GATAD2B: variants seen among roughly 807,000 people sequenced by gnomAD.
The protein encoded by GATAD2B is GATA zinc finger domain containing 2B.
In GATAD2B, 8 loss-of-function variants were observed where a neutral mutation model predicts 64.3. The observed-to-expected ratio is 0.12, with a 90% CI of 0.07 to 0.22. The LOEUF (loss-of-function observed/expected upper bound fraction) is 0.22. Ranked by LOEUF, GATAD2B falls within the 10% of genes least tolerant of loss-of-function variation. The pLI, the probability that GATAD2B is intolerant of heterozygous loss-of-function variation, is 1.00. For missense variants in GATAD2B, 453 were observed against 752.0 expected (o/e 0.60, Z 4.65); for synonymous variants, 281 against 271.3 (o/e 1.04, Z -0.35).
At chr1:153,853,158 T>C in intron 1 of GATAD2B, 40 of 1,401,196 alleles carry the variant, frequency 2.9e-5, no homozygotes, top group Non-Finnish European at 3.9e-5. Flanking sequence ...GTCTAGCCCC[T>C]TACAGACACG....
intron 1 of GATAD2B, among the ~76,000 whole-genome samples, chr1:153,882,356 A>G (rs1449344436): frequency 6.6e-6 from 1 of 152,112 alleles, no homozygotes; most frequent in Non-Finnish European, 1.5e-5. Context: ...TCTTTTCTTT[A>G]TCCCTATTGC....
At chr1:153,870,153 G>A (rs974094189) in intron 1 of GATAD2B, among the ~76,000 whole-genome samples, 4 of 152,112 alleles carry the variant, frequency 2.6e-5, no homozygotes, top group Non-Finnish European at 5.9e-5. Flanking sequence ...GTTTCATCAT[G>A]TTGGCCAGGC....
intron 2 of GATAD2B, among the ~76,000 whole-genome samples, chr1:153,820,259 G>C (rs1345379118): frequency 2.0e-5 from 3 of 152,088 alleles, no homozygotes; most frequent in Non-Finnish European, 4.4e-5. Flanking sequence ...TATTGAACTT[G>C]CATCTACTTA....
At chr1:153,822,421 T>A (rs1674712676) in intron 2 of GATAD2B, among the ~76,000 whole-genome samples, 1 of 152,166 alleles carries the variant, frequency 6.6e-6, no homozygotes, top group South Asian at 2.1e-4. Flanking sequence ...TATCAGGAAG[T>A]TATATCTGAG....
intron 1 of GATAD2B, among the ~76,000 whole-genome samples, chr1:153,887,294 G>A (rs1313773203): frequency 6.6e-6 from 1 of 152,150 alleles, no homozygotes; most frequent in Admixed American, 6.5e-5. Flanking sequence ...CACAAATTGG[G>A]AATCACACCC....
At chr1:153,898,221 T>C (rs755883667) in intron 1 of GATAD2B, among the ~76,000 whole-genome samples, 4 of 147,618 alleles carry the variant, frequency 2.7e-5, no homozygotes, top group African/African-American at 1.0e-4. Flanking sequence ...AGAGAGAGGA[T>C]TGCTAGAACC....
At position 153,818,912 on chromosome 1, in the gene GATAD2B, A is replaced by G. The variant is rs570114354; in HGVS notation, c.476T>C (p.Ile159Thr). 1.9e-6 allele frequency: 3 copies of G among 1,610,786 alleles called. No individual in the cohort carries two copies. Among genetic ancestry groups the G allele is most frequent in the South Asian group, 2.2e-5 (2 of 91,068 alleles). ...ANLEMFKGKG[I>T]EERQQLIKQL... The stretch of plus-strand genomic sequence containing the variant: ...CTTGATAAGCTGCTGCCGCTCCTCA[A>G]TGCCTTTCCCCTAAGGAAACAAGAA... The change falls in exon 4 of 11, where the codon ATT becomes ACT. Residue 159 changes from isoleucine (I) to threonine (T), a missense_variant. Physicochemically the swap from Ile to Thr is moderately conservative, Grantham distance 89. Transcript: ENST00000368655.
chr1:153,826,940 T>TA (rs35916476), intron 2 of GATAD2B, among the ~76,000 whole-genome samples: 79 of 137,406 alleles, frequency 5.7e-4, no homozygotes, highest in Middle Eastern at 3.8e-3. Flanking sequence ...GACCCTATCT[T>TA]AAAAAAAAAA....
intron 1 of GATAD2B, chr1:153,852,845 T>C (rs932797099): frequency 1.2e-6 from 1 of 809,648 alleles, no homozygotes; most frequent in African/African-American, 1.7e-5. Context: ...TCTTCCCCAG[T>C]GAGAGGGAGG....
At position 153,899,944 on chromosome 1, in the gene GATAD2B, A is replaced by G. The variant is rs73015728; in HGVS notation, c.-2+22789T>C. ...TACTTAAATGTGTAAAGATCTATGTAAGATGTTTCACTGGAAGGCTGGTTA... is the reference window on the plus strand; with the variant it reads ...TACTTAAATGTGTAAAGATCTATGTGAGATGTTTCACTGGAAGGCTGGTTA... On this transcript the variant is annotated intron_variant, in intron 1 of 10. Coordinates refer to ENST00000368655, the MANE Select transcript of GATAD2B (RefSeq NM_020699.4). Among the ~76,000 whole-genome samples, 575 of 152,346 alleles carry G rather than the reference A, an allele frequency of 3.8e-3. 9 individuals are homozygous for G. Among genetic ancestry groups the G allele is most frequent in the African/African-American group, 0.013 (523 of 41,588 alleles).
intron 1 of GATAD2B, among the ~76,000 whole-genome samples, chr1:153,907,184 C>T (rs1677969429): frequency 6.6e-6 from 1 of 152,198 alleles, no homozygotes; most frequent in Non-Finnish European, 1.5e-5. Flanking sequence ...AAAGCAGGGA[C>T]TCAAGCAGAT....
rs1246626056 is a variant in GATAD2B, at chr1:153,875,050, T to C, written c.-1-46702A>G. On this transcript the variant is annotated intron_variant, in intron 1 of 10. Transcript: ENST00000368655. ...GACATGCCACCATGCCCAGCATTTTTTCTTGTAAGCAAAGATGGGGTCTTG... is the reference window on the plus strand; with the variant it reads ...GACATGCCACCATGCCCAGCATTTTCTCTTGTAAGCAAAGATGGGGTCTTG... Among the ~76,000 whole-genome samples, 3 of 152,050 alleles carry C rather than the reference T, an allele frequency of 2.0e-5. No homozygotes were observed. In the East Asian group the frequency reaches 5.8e-4, roughly 29 times the overall value.
intron 2 of GATAD2B, among the ~76,000 whole-genome samples, chr1:153,822,684 A>C (rs1674724809): frequency 6.6e-6 from 1 of 152,114 alleles, no homozygotes; most frequent in Non-Finnish European, 1.5e-5. Context: ...TTGTATTTAG[A>C]GACGGGGTTT....
At position 153,819,639 on chromosome 1, in the gene GATAD2B, T is replaced by C; in HGVS notation, c.432A>G (p.Glu144=). ...TCTCTAAGTTGGCTGCTTTGAGTCTTTCTTCCATTCTGGAACTGGAACGGG... is the reference window on the plus strand; with the variant it reads ...TCTCTAAGTTGGCTGCTTTGAGTCTCTCTTCCATTCTGGAACTGGAACGGG... ...SSPRSSSRME[E]RLKAANLEMF... is the part of the protein sequence containing the mutation. The change falls in exon 3 of 11, where the codon GAA becomes GAG. Residue 144 remains glutamate (E), a synonymous_variant. Coordinates refer to ENST00000368655, the MANE Select transcript of GATAD2B (RefSeq NM_020699.4). 1 of 1,610,366 alleles carries C rather than the reference T, an allele frequency of 6.2e-7. No homozygotes were observed. Among genetic ancestry groups the C allele is most frequent in the South Asian group, 1.1e-5 (1 of 90,220 alleles).
chr1:153,901,413 G>A (rs1427546672), intron 1 of GATAD2B, among the ~76,000 whole-genome samples: 3 of 152,012 alleles, frequency 2.0e-5, no homozygotes, highest in South Asian at 2.1e-4. Flanking sequence ...CTTTAATAAC[G>A]AGAGTGATGC....
Position 153,819,961 on chromosome 1 carries a change from G to A in GATAD2B, c.336-226C>T, listed in dbSNP as rs1674621097. ...TAAAAATAAAAAATTAGCTGCGCAT[G>A]GCGGCGCGCACCTGTAGTCCCAGCT... On this transcript the variant is annotated intron_variant, in intron 2 of 10. Coordinates refer to ENST00000368655, the MANE Select transcript of GATAD2B (RefSeq NM_020699.4). Among the ~76,000 whole-genome samples the A allele has an allele frequency of 2.6e-5, 4 of 152,036 alleles. No homozygotes were observed. In the South Asian group the frequency reaches 6.2e-4, roughly 24 times the overall value.
chr1:153,830,049 TCAC>T (rs1285260490), intron 1 of GATAD2B, among the ~76,000 whole-genome samples: 8 of 152,078 alleles, frequency 5.3e-5, no homozygotes, highest in Non-Finnish European at 4.4e-5. Context: ...TGTGCCAAGA[TCAC>T]ACCACTGCAT....
At chr1:153,835,456 C>T (rs1675230495) in intron 1 of GATAD2B, among the ~76,000 whole-genome samples, 1 of 151,402 alleles carries the variant, frequency 6.6e-6, no homozygotes, top group Admixed American at 6.6e-5. Flanking sequence ...GGCGCAGTGG[C>T]TCATGCCTGT....
intron 1 of GATAD2B, among the ~76,000 whole-genome samples, chr1:153,868,065 G>C (rs562400342): frequency 5.9e-5 from 9 of 152,068 alleles, no homozygotes; most frequent in African/African-American, 2.2e-4. Flanking sequence ...GCCAGGCGTG[G>C]TGGTGCACAC....
Sources: allele counts gnomAD v4.1 joint callset (sites outside exome capture counted in the v4.1 genomes callset), GRCh38; gene constraint gnomAD v4.1.1; transcripts MANE v1.5; gene names NCBI Gene and HGNC (gene_info 2026-07-23, HGNC 2026-07-21).